PIK3CB: variants seen among roughly 807,000 people sequenced by gnomAD.
PIK3CB encodes the protein phosphatidylinositol 4,5-bisphosphate 3-kinase catalytic subunit beta isoform.
In PIK3CB, 39 loss-of-function variants were observed where a neutral mutation model predicts 136.8. The observed-to-expected ratio is 0.29, with a 90% confidence interval of 0.22 to 0.37. PIK3CB has a LOEUF of 0.37. Among genes scored for constraint, PIK3CB ranks in the 10% least tolerant of loss-of-function variants. The pLI is 1.00. For missense variants in PIK3CB, 868 were observed against 1,275.4 expected, an observed-to-expected ratio of 0.68 and a Z score of 4.87; for synonymous variants, 428 against 436.6, an observed-to-expected ratio of 0.98 and a Z score of 0.25.
At chr3:138,733,483 T>A in intron 7 of PIK3CB, 45 bp from the exon 8 acceptor site, 1 of 964,530 alleles carries the variant, frequency 1.0e-6, no homozygotes, top group Non-Finnish European at 1.6e-6. Context: ...ATGAAAGAAA[T>A]GAATATTCTA....
chr3:138,653,381 C>A lies in PIK3CB; in HGVS notation c.*2008G>T, dbSNP rs939202797. The A allele has an allele frequency of 5.7e-6, 1 of 174,992 alleles. No homozygotes were observed. The highest frequency in any genetic ancestry group is 1.0e-4 in the East Asian group (1 of 10,026). 10.8% of individuals were successfully genotyped at this position (174,992 alleles called of 1,614,324 possible). A position where few individuals can be genotyped will look rare whatever the true frequency, so the allele number is the denominator to read the frequency against. ...CCCTTCAAAGAAAACAGGAAAGATA[C>A]AATTTGGTGCCCATATGGGAAAAAC... On this transcript the variant is annotated 3_prime_UTR_variant, in exon 24 of 24. Coordinates refer to ENST00000674063, the MANE Select transcript of PIK3CB (RefSeq NM_006219.3).
chr3:138,752,860 T>C (rs936566544), intron 4 of PIK3CB, among the ~76,000 whole-genome samples: 5 of 152,244 alleles, frequency 3.3e-5, no homozygotes, highest in Non-Finnish European at 5.9e-5. Context: ...AATATGTTTT[T>C]AGCATAAGCA....
At chr3:138,815,995 T>C (rs113214491) in intron 1 of PIK3CB, among the ~76,000 whole-genome samples, 30 of 152,348 alleles carry the variant, frequency 2.0e-4, no homozygotes, top group African/African-American at 6.7e-4. Flanking sequence ...CATATTTGAA[T>C]AAGGTAGTTA....
chr3:138,702,227 A>T (rs1459381381), intron 12 of PIK3CB, among the ~76,000 whole-genome samples: 1 of 148,348 alleles, frequency 6.7e-6, no homozygotes, highest in Non-Finnish European at 1.5e-5. Context: ...CCATGCCACC[A>T]CGCCCAGTTA....
intron 1 of PIK3CB, among the ~76,000 whole-genome samples, chr3:138,810,949 C>T (rs570702432): frequency 7.9e-5 from 12 of 151,908 alleles, no homozygotes; most frequent in African/African-American, 9.6e-5. Flanking sequence ...AAATGTCGGC[C>T]GGGCGCGGTG....
chr3:138,798,209 G>C (rs1375708228), intron 1 of PIK3CB, among the ~76,000 whole-genome samples: 2 of 151,946 alleles, frequency 1.3e-5, no homozygotes, highest in Non-Finnish European at 2.9e-5. Flanking sequence ...CTGTTGCCCA[G>C]GCTGAAGTGT....
chr3:138,686,776 A>G (rs959333373), intron 16 of PIK3CB, among the ~76,000 whole-genome samples: 3 of 152,150 alleles, frequency 2.0e-5, no homozygotes, highest in Non-Finnish European at 4.4e-5. Context: ...CTATGTAGGG[A>G]GATGAATTCA....
At chr3:138,746,190 C>T (rs975995056) in intron 4 of PIK3CB, among the ~76,000 whole-genome samples, 19 of 152,060 alleles carry the variant, frequency 1.2e-4, no homozygotes, top group African/African-American at 4.3e-4. Flanking sequence ...AGGATACAGC[C>T]TGGGCAACAG....
At chr3:138,680,882 T>C (rs1455913712) in intron 19 of PIK3CB, among the ~76,000 whole-genome samples, 1 of 151,984 alleles carries the variant, frequency 6.6e-6, no homozygotes, top group Non-Finnish European at 1.5e-5. Context: ...AGAGCTGGGT[T>C]TCACCATGTT....
intron 2 of PIK3CB, chr3:138,778,278 C>A (rs2045883672): frequency 2.5e-6 from 1 of 395,558 alleles, no homozygotes; most frequent in Non-Finnish European, 5.0e-6. Flanking sequence ...ACCTTCTATA[C>A]CACTAACTGC....
At chr3:138,685,346 A>T (rs2043861693) in intron 16 of PIK3CB, among the ~76,000 whole-genome samples, 1 of 139,450 alleles carries the variant, frequency 7.2e-6, no homozygotes, top group Non-Finnish European at 1.5e-5. Context: ...GTGAGCCAAG[A>T]TTAAGCCACT....
intron 4 of PIK3CB, among the ~76,000 whole-genome samples, chr3:138,750,665 T>C (rs1468524500): frequency 6.6e-6 from 1 of 152,164 alleles, no homozygotes; most frequent in East Asian, 1.9e-4. Flanking sequence ...AACTGAAACT[T>C]TGTACCCAGT....
intron 10 of PIK3CB, among the ~76,000 whole-genome samples, chr3:138,710,989 C>A (rs540593867): frequency 8.6e-4 from 130 of 151,658 alleles, no homozygotes; most frequent in Non-Finnish European, 1.4e-3. Flanking sequence ...GAGGCTGAGG[C>A]AGGAGAATGG....
chr3:138,658,382 C>A (rs763651165), intron 21 of PIK3CB, among the ~76,000 whole-genome samples: 1 of 151,874 alleles, frequency 6.6e-6, no homozygotes, highest in Non-Finnish European at 1.5e-5. Flanking sequence ...CCTAGGAGGT[C>A]GAGGCTGCAA....
intron 1 of PIK3CB, among the ~76,000 whole-genome samples, chr3:138,816,686 G>A (rs1933348011): frequency 6.6e-6 from 1 of 152,040 alleles, no homozygotes; most frequent in Non-Finnish European, 1.5e-5. Flanking sequence ...GAGATTGTCA[G>A]TTAATTGCTA....
Position 138,654,356 on chromosome 3 carries a change from C to A in PIK3CB, c.*1033G>T, listed in dbSNP as rs2043158558. ...TTAAAGATTTCCGTGTGGCGTGAAA[C>A]CATTTCAATTTGAACTAATATCCTT... On this transcript the variant is annotated 3_prime_UTR_variant, in exon 24 of 24. Coordinates refer to ENST00000674063, the MANE Select transcript of PIK3CB (RefSeq NM_006219.3). 1 of 221,560 alleles carries A rather than the reference C, an allele frequency of 4.5e-6. No individual in the cohort carries two copies. Among genetic ancestry groups the A allele is most frequent in the Non-Finnish European group, 9.0e-6 (1 of 110,986 alleles). 13.7% of individuals were successfully genotyped at this position (221,560 alleles called of 1,614,324 possible).
chr3:138,696,758 C>G (rs905244194), intron 13 of PIK3CB, among the ~76,000 whole-genome samples: 6 of 152,108 alleles, frequency 3.9e-5, no homozygotes, highest in Non-Finnish European at 2.9e-5. Flanking sequence ...ATAGATCCCC[C>G]CTCCCTGCTT....
chr3:138,792,788 C>T (rs866586089), intron 2 of PIK3CB, among the ~76,000 whole-genome samples: 3 of 151,872 alleles, frequency 2.0e-5, no homozygotes, highest in African/African-American at 7.3e-5. Flanking sequence ...TTTCTCTCCC[C>T]CTCCCCTCCA....
chr3:138,758,735 T>C (rs368148086), intron 3 of PIK3CB, among the ~76,000 whole-genome samples: 1 of 152,208 alleles, frequency 6.6e-6, no homozygotes, highest in African/African-American at 2.4e-5. Context: ...AACAAGTTCA[T>C]GTATATGCTG....
Sources: gnomAD v4.1 joint callset for allele counts (sites outside exome capture counted in the v4.1 genomes callset) on GRCh38, gnomAD v4.1.1 for gene constraint, MANE v1.5 for transcripts, NCBI Gene and HGNC (gene_info 2026-07-23, HGNC 2026-07-21) for gene names.